NTM: variants seen among roughly 807,000 people sequenced by gnomAD.
NTM encodes the protein IgLON family member 2.
NTM carries 13 observed loss-of-function variants against 42.1 expected under a neutral mutation model. The ratio of observed to expected loss-of-function variants is 0.31; its 90% CI spans 0.20 to 0.49. NTM has a LOEUF of 0.49. Ranked by LOEUF, NTM falls within the 20% of genes least tolerant of loss-of-function variation. The pLI is 0.99. For synonymous variants in NTM, 187 were observed against 179.2 expected (o/e 1.04, Z -0.35); for missense variants, 373 against 452.8 (o/e 0.82, Z 1.60).
chr11:132,167,628 G>A (rs1329966129), intron 3 of NTM, among the ~76,000 whole-genome samples: 1 of 152,184 alleles, frequency 6.6e-6, no homozygotes, highest in Non-Finnish European at 1.5e-5. Context: ...TCAGTTGTCT[G>A]TACTTTTTCC....
At chr11:131,966,212 T>G (rs1345140379) in intron 2 of NTM, among the ~76,000 whole-genome samples, 3 of 152,138 alleles carry the variant, frequency 2.0e-5, no homozygotes, top group Non-Finnish European at 4.4e-5. Context: ...TGGATCCTGA[T>G]TCATTCATTC....
intron 1 of NTM, chr11:131,540,886 GA>G (rs1344646981): frequency 6.6e-6 from 1 of 152,182 alleles, no homozygotes; most frequent in Non-Finnish European, 1.5e-5. Context: ...GCCCCTTTAA[GA>G]GTCTTTCCCA....
At chr11:131,564,798 C>G (rs996906753) in intron 1 of NTM, among the ~76,000 whole-genome samples, 1 of 152,180 alleles carries the variant, frequency 6.6e-6, no homozygotes, top group African/African-American at 2.4e-5. Context: ...TCAGACGTTG[C>G]TCCCTGCAAG....
chr11:131,631,272 C>T (rs1438855294), intron 1 of NTM, among the ~76,000 whole-genome samples: 1 of 152,196 alleles, frequency 6.6e-6, no homozygotes, highest in Admixed American at 6.5e-5. Flanking sequence ...TGTTCAGTAA[C>T]TGCAGTGTGT....
At chr11:131,710,356 A>G (rs904635704) in intron 1 of NTM, among the ~76,000 whole-genome samples, 1 of 152,180 alleles carries the variant, frequency 6.6e-6, no homozygotes, top group Admixed American at 6.5e-5. Context: ...AAGAATATTT[A>G]AGGTGATGCC....
chr11:132,317,649 A>T, intron 7 of NTM: 1 of 1,302,970 alleles, frequency 7.7e-7, no homozygotes, highest in African/African-American at 1.5e-5. Context: ...CCCTCAACCG[A>T]TTTAGAACTA....
intron 1 of NTM, among the ~76,000 whole-genome samples, chr11:131,475,508 G>A (rs1214615665): frequency 6.6e-6 from 1 of 151,838 alleles, no homozygotes; most frequent in Non-Finnish European, 1.5e-5. Context: ...GGAGGAGGAG[G>A]ATTGAAATGC....
intron 1 of NTM, among the ~76,000 whole-genome samples, chr11:131,526,333 G>A (rs438348): frequency 0.22 from 33,301 of 152,068 alleles, 3,952 homozygotes; most frequent in African/African-American, 0.32. Context: ...GGGCAGGTGT[G>A]GGTCCACAGT....
At chr11:131,573,817 C>T (rs566639568) in intron 1 of NTM, among the ~76,000 whole-genome samples, 3 of 152,204 alleles carry the variant, frequency 2.0e-5, no homozygotes, top group Non-Finnish European at 2.9e-5. Flanking sequence ...AGTCATCTCT[C>T]GAGTTGGTGA....
chr11:132,061,403 T>A (rs2080653503), intron 2 of NTM, among the ~76,000 whole-genome samples: 1 of 152,232 alleles, frequency 6.6e-6, no homozygotes, highest in African/African-American at 2.4e-5. Flanking sequence ...AAACCCTGGC[T>A]GATAAATTAT....
intron 1 of NTM, among the ~76,000 whole-genome samples, chr11:131,835,046 C>T (rs2043310443): frequency 6.6e-6 from 1 of 152,076 alleles, no homozygotes; most frequent in Middle Eastern, 3.2e-3. Context: ...AATACAGCAG[C>T]AAAGAAGTTC....
At chr11:132,027,108 C>T (rs992529927) in intron 2 of NTM, among the ~76,000 whole-genome samples, 2 of 152,226 alleles carry the variant, frequency 1.3e-5, no homozygotes, top group Admixed American at 6.5e-5. Flanking sequence ...GCAGAGTTTA[C>T]TGACTGTCCA....
intron 4 of NTM, among the ~76,000 whole-genome samples, chr11:132,230,658 A>T (rs566935823): frequency 2.0e-5 from 3 of 152,194 alleles, no homozygotes; most frequent in Non-Finnish European, 4.4e-5. Context: ...CCGTGATAGG[A>T]TGTATATTCC....
At chr11:132,307,440 T>A (rs895062498) in intron 4 of NTM, among the ~76,000 whole-genome samples, 9 of 152,284 alleles carry the variant, frequency 5.9e-5, no homozygotes, top group African/African-American at 2.2e-4. Flanking sequence ...AGTAATTCTC[T>A]AGGCACTGTG....
intron 1 of NTM, among the ~76,000 whole-genome samples, chr11:131,541,085 C>G (rs1288373899): frequency 6.6e-6 from 1 of 152,088 alleles, no homozygotes; most frequent in African/African-American, 2.4e-5. Context: ...CAAATCAATC[C>G]CCGTGCTTCT....
intron 1 of NTM, among the ~76,000 whole-genome samples, chr11:131,754,783 C>T (rs993623789): frequency 1.3e-5 from 2 of 152,118 alleles, no homozygotes; most frequent in African/African-American, 4.8e-5. Context: ...GAAAACAATC[C>T]ATGTTCATCA....
intron 1 of NTM, among the ~76,000 whole-genome samples, chr11:131,497,441 C>A (rs1399285600): frequency 6.6e-6 from 1 of 152,086 alleles, no homozygotes; most frequent in Admixed American, 6.5e-5. Flanking sequence ...CCCGCCTTGG[C>A]CTTCCAAAGT....
chr11:131,370,941 GC>G (rs1941078986), intron 1 of NTM, 53 bp downstream of exon 1: 1 of 1,604,032 alleles, frequency 6.2e-7, no homozygotes, highest in Admixed American at 1.7e-5. Context: ...TGTACAGTGT[GC>G]TTTATAAGAT....
At chr11:132,331,953 GCTGCAGA>G (rs1183316710) in intron 8 of NTM, among the ~76,000 whole-genome samples, 1 of 152,198 alleles carries the variant, frequency 6.6e-6, no homozygotes, top group Non-Finnish European at 1.5e-5. Context: ...AGACACCAAG[GCTGCAGA>G]CTGCAGGCAC....
Sources: allele counts gnomAD v4.1 joint callset (sites outside exome capture counted in the v4.1 genomes callset), GRCh38; gene constraint gnomAD v4.1.1; transcripts MANE v1.5; gene names NCBI Gene and HGNC (gene_info 2026-07-23, HGNC 2026-07-21).